The following EEF1AKMT1 variants were observed in gnomAD, a reference collection of about 807,000 sequenced individuals.
The protein encoded by EEF1AKMT1 is EEF1A lysine methyltransferase 1, also known as N-6 adenine-specific DNA methyltransferase 2 (putative).
EEF1AKMT1 carries 18 observed loss-of-function variants against 21.0 expected under a neutral mutation model. The observed-to-expected ratio is 0.86, with a 90% CI of 0.59 to 1.27. The LOEUF is 1.27. Ranked by LOEUF, EEF1AKMT1 falls within the 50% of genes most tolerant of loss-of-function variation. The pLI is 0.00. For synonymous variants in EEF1AKMT1, 109 were observed against 94.8 expected (o/e 1.15, Z -0.87); for missense variants, 246 against 258.6 (o/e 0.95, Z 0.33).
rs1164637307 is a variant in EEF1AKMT1 at position 20,728,826 on chromosome 13, G to A, written c.*254C>T. The A allele has an allele frequency of 2.0e-6, 1 of 508,124 alleles. No homozygotes were observed. Among genetic ancestry groups the A allele is most frequent in the African/African-American group, 1.9e-5 (1 of 51,924 alleles). 31.5% of individuals were successfully genotyped at this position (508,124 alleles called of 1,614,324 possible). On this transcript the variant is annotated 3_prime_UTR_variant, in exon 5 of 5. Transcript: ENST00000382758. ...TCTGTTTTTACACATGTTAAATGAGGAGAGAAGATCAGGCAGATTCTAAGG... is the reference window on the plus strand; with the variant it reads ...TCTGTTTTTACACATGTTAAATGAGAAGAGAAGATCAGGCAGATTCTAAGG...
At chr13:20,734,012 G>A (rs2058812624) in intron 3 of EEF1AKMT1, among the ~76,000 whole-genome samples, 1 of 152,146 alleles carries the variant, frequency 6.6e-6, no homozygotes, top group Non-Finnish European at 1.5e-5. Context: ...GTGTTTCCCT[G>A]CTGGCAGGAC....
chr13:20,755,142 G>C (rs1484109660), intron 2 of EEF1AKMT1, among the ~76,000 whole-genome samples: 14 of 152,150 alleles, frequency 9.2e-5, no homozygotes, highest in Non-Finnish European at 2.9e-5. Context: ...ACTTTTAATT[G>C]TGCAGTGATC....
chr13:20,769,087 T>C (rs920751378), intron 1 of EEF1AKMT1: 2 of 152,102 alleles, frequency 1.3e-5, no homozygotes, highest in African/African-American at 4.8e-5. Flanking sequence ...TCTATGGTTG[T>C]CACTGGGAAG....
chr13:20,749,330 T>C (rs1343932460), intron 2 of EEF1AKMT1, among the ~76,000 whole-genome samples: 1 of 152,192 alleles, frequency 6.6e-6, no homozygotes, highest in Non-Finnish European at 1.5e-5. Flanking sequence ...CAATGTAGAT[T>C]GGCTGCTCTC....
chr13:20,738,155 T>C (rs1448820068), intron 2 of EEF1AKMT1, among the ~76,000 whole-genome samples: 1 of 152,190 alleles, frequency 6.6e-6, no homozygotes, highest in East Asian at 1.9e-4. Flanking sequence ...CTGATTAAGC[T>C]TCTAGGTTCA....
chr13:20,731,376 G>A (rs1351760175), intron 4 of EEF1AKMT1, among the ~76,000 whole-genome samples: 1 of 152,194 alleles, frequency 6.6e-6, no homozygotes. Flanking sequence ...TGAGGTGGGA[G>A]GACGGCTTAG....
intron 3 of EEF1AKMT1, among the ~76,000 whole-genome samples, chr13:20,736,597 G>A (rs1444448686): frequency 6.6e-6 from 1 of 152,078 alleles, no homozygotes; most frequent in African/African-American, 2.4e-5. Context: ...AGGTTGCAGA[G>A]CCCTGGGAAT....
At chr13:20,754,176 T>C (rs2058958534) in intron 2 of EEF1AKMT1, among the ~76,000 whole-genome samples, 1 of 152,322 alleles carries the variant, frequency 6.6e-6, no homozygotes, top group Admixed American at 6.5e-5. Context: ...GTGATGAATT[T>C]CCTCAGCTTT....
At chr13:20,762,808 C>T (rs1381763316) in intron 1 of EEF1AKMT1, among the ~76,000 whole-genome samples, 1 of 152,156 alleles carries the variant, frequency 6.6e-6, no homozygotes, top group Non-Finnish European at 1.5e-5. Context: ...GTCACTACAC[C>T]CAGGGTGTAG....
intron 2 of EEF1AKMT1, among the ~76,000 whole-genome samples, chr13:20,750,192 T>A (rs2058932999): frequency 6.6e-6 from 1 of 152,210 alleles, no homozygotes; most frequent in African/African-American, 2.4e-5. Flanking sequence ...ATTTATCACC[T>A]GTTGGGAACA....
At chr13:20,739,231 C>T (rs1295814605) in intron 2 of EEF1AKMT1, among the ~76,000 whole-genome samples, 1 of 152,170 alleles carries the variant, frequency 6.6e-6, no homozygotes, top group Non-Finnish European at 1.5e-5. Context: ...TGGAGACCTT[C>T]ACGGTGAGTG....
Position 20,729,123 on chromosome 13 carries a change from C to G in EEF1AKMT1, c.602G>C (p.Arg201Pro), listed in dbSNP as rs1193831642. The change falls in exon 5 of 5, where the codon CGC (arginine) becomes CCC (proline). Residue 201 changes from arginine to proline, a missense_variant. Arg to Pro is a moderately radical substitution (Grantham distance 103, BLOSUM62 -2). Coordinates refer to ENST00000382758, the MANE Select transcript of EEF1AKMT1 (RefSeq NM_001318939.2). ...CCCAGAATCATAATTCACATAACAGCGAAACTCATTTGCCAAGTTCCGGGT... is the reference window on the plus strand; with the variant it reads ...CCCAGAATCATAATTCACATAACAGGGAAACTCATTTGCCAAGTTCCGGGT... ...RHTRNLANEF[R>P]CYVNYDSGLD... The G allele has an allele frequency of 6.2e-7, 1 of 1,614,124 alleles. No homozygotes were observed.
At chr13:20,735,190 G>A (rs767179466) in intron 3 of EEF1AKMT1, among the ~76,000 whole-genome samples, 2 of 152,206 alleles carry the variant, frequency 1.3e-5, no homozygotes, top group Non-Finnish European at 2.9e-5. Flanking sequence ...TGGCATACCC[G>A]AGGGCTCAGG....
intron 2 of EEF1AKMT1, among the ~76,000 whole-genome samples, chr13:20,738,344 T>C (rs1461978950): frequency 1.3e-5 from 2 of 152,270 alleles, no homozygotes; most frequent in Non-Finnish European, 2.9e-5. Flanking sequence ...ATCTTGCTCC[T>C]TCTGCTTCAT....
chr13:20,734,308 T>G (rs1302001881), intron 3 of EEF1AKMT1, among the ~76,000 whole-genome samples: 1 of 152,040 alleles, frequency 6.6e-6, no homozygotes, highest in Non-Finnish European at 1.5e-5. Flanking sequence ...GAAAGACCGG[T>G]GGGTCTGGTG....
intron 2 of EEF1AKMT1, among the ~76,000 whole-genome samples, chr13:20,739,445 T>C (rs562091891): frequency 1.3e-5 from 2 of 152,352 alleles, no homozygotes; most frequent in East Asian, 1.9e-4. Flanking sequence ...CTGATTGGTC[T>C]GTTTTACAGA....
chr13:20,738,327 G>A (rs1041029145), intron 2 of EEF1AKMT1, among the ~76,000 whole-genome samples: 1 of 152,192 alleles, frequency 6.6e-6, no homozygotes, highest in Non-Finnish European at 1.5e-5. Flanking sequence ...GGGCAAGTTT[G>A]TTTTTCATCT....
In EEF1AKMT1 at chr13:20,728,760, G is replaced by A. The variant is rs907750914; in HGVS notation, c.*320C>T. The stretch of plus-strand genomic sequence containing the variant: ...GGCCCGAGGCAGAGGCCAAGGTCCT[G>A]TCTCATTCAGGAGCCCTTGGGCAAG... On this transcript the variant is annotated 3_prime_UTR_variant, in exon 5 of 5. Transcript: ENST00000382758. 9 of 351,074 alleles carry A rather than the reference G, an allele frequency of 2.6e-5. No individual in the cohort carries two copies. Among genetic ancestry groups the A allele is most frequent in the African/African-American group, 1.7e-4 (8 of 47,598 alleles). The allele number at this position is 351,074 out of a possible 1,614,324, so 21.7% of individuals were successfully genotyped here.
chr13:20,759,376 G>A (rs550969118), intron 1 of EEF1AKMT1, among the ~76,000 whole-genome samples: 2 of 152,236 alleles, frequency 1.3e-5, no homozygotes, highest in Admixed American at 1.3e-4. Flanking sequence ...TCAGGAGATC[G>A]AGACCATCCT....
Sources: gnomAD v4.1 joint callset for allele counts (sites outside exome capture counted in the v4.1 genomes callset) on GRCh38, gnomAD v4.1.1 for gene constraint, MANE v1.5 for transcripts, NCBI Gene and HGNC (gene_info 2026-07-23, HGNC 2026-07-21) for gene names.